SEMA3D: variants seen among roughly 807,000 people sequenced by gnomAD.
SEMA3D encodes semaphorin 3D.
In SEMA3D, 84 loss-of-function variants were observed where a neutral mutation model predicts 100.1. The observed-to-expected ratio is 0.84, with a 90% confidence interval of 0.70 to 1.01. The LOEUF is 1.01. SEMA3D is among the 50% of genes least tolerant of loss of function. The probability of loss-of-function intolerance (pLI) is 0.00; values close to 1 mark genes in which losing one functional copy is unlikely to be tolerated. For missense variants in SEMA3D, 875 were observed against 934.1 expected, an observed-to-expected ratio of 0.94 and a Z score of 0.82; for synonymous variants, 312 against 320.7, an observed-to-expected ratio of 0.97 and a Z score of 0.29.
chr7:85,022,357 C>A (rs765674146), intron 13 of SEMA3D, 34 bp downstream of exon 13: 20 of 1,484,520 alleles, frequency 1.3e-5, no homozygotes, highest in Non-Finnish European at 1.8e-5. Context: ...TGAAAAATTC[C>A]TTTTGAAAAA....
At chr7:85,181,356 A>ACACC (rs1178452902) in intron 1 of SEMA3D, among the ~76,000 whole-genome samples, 11 of 151,792 alleles carry the variant, frequency 7.2e-5, no homozygotes, top group African/African-American at 2.4e-4. Flanking sequence ...ACACACACAC[A>ACACC]CACACATGCA....
At chr7:85,069,063 A>C (rs1157330777) in intron 6 of SEMA3D, among the ~76,000 whole-genome samples, 2 of 152,152 alleles carry the variant, frequency 1.3e-5, no homozygotes, top group African/African-American at 4.8e-5. Context: ...TAACAATGAC[A>C]ACACTACCAT....
At chr7:85,143,223 A>G (rs550367761) in intron 2 of SEMA3D, 1 of 765,532 alleles carries the variant, frequency 1.3e-6, no homozygotes, top group African/African-American at 1.9e-5. Flanking sequence ...TCTAACATAT[A>G]TGCACTAAAG....
At chr7:85,162,023 G>C (rs1326749582) in intron 1 of SEMA3D, among the ~76,000 whole-genome samples, 1 of 151,904 alleles carries the variant, frequency 6.6e-6, no homozygotes. Flanking sequence ...TGTGCTTTGA[G>C]AGTCAATATA....
chr7:85,102,541 G>A (rs1033484551), intron 3 of SEMA3D, among the ~76,000 whole-genome samples: 2 of 152,124 alleles, frequency 1.3e-5, no homozygotes, highest in South Asian at 4.1e-4. Context: ...TACAGCCTAT[G>A]ATGGCAGGTT....
intron 4 of SEMA3D, among the ~76,000 whole-genome samples, chr7:85,081,961 G>A (rs754389398): frequency 2.0e-5 from 3 of 152,146 alleles, no homozygotes; most frequent in African/African-American, 7.2e-5. Context: ...ATAAACATGT[G>A]CCATGAAGTG....
intron 9 of SEMA3D, among the ~76,000 whole-genome samples, chr7:85,051,560 A>C (rs1226209583): frequency 6.6e-6 from 1 of 151,844 alleles, no homozygotes; most frequent in East Asian, 1.9e-4. Context: ...TTGATCTTGC[A>C]CTACAAATCT....
At chr7:85,181,521 T>C (rs1791410776) in intron 1 of SEMA3D, among the ~76,000 whole-genome samples, 1 of 152,124 alleles carries the variant, frequency 6.6e-6, no homozygotes, top group Non-Finnish European at 1.5e-5. Context: ...TATGCTAGTA[T>C]AAATAAGAGA....
intron 6 of SEMA3D, among the ~76,000 whole-genome samples, chr7:85,071,142 G>A (rs1791762743): frequency 6.6e-6 from 1 of 152,092 alleles, no homozygotes; most frequent in South Asian, 2.1e-4. Context: ...TTTATCCTTA[G>A]GCCTCAAAAC....
intron 2 of SEMA3D, chr7:85,142,638 A>G (rs986152971): frequency 1.0e-6 from 1 of 983,312 alleles, no homozygotes; most frequent in African/African-American, 1.8e-5. Flanking sequence ...GAGAGTCCAG[A>G]AAGAGATTCT....
intron 2 of SEMA3D, among the ~76,000 whole-genome samples, chr7:85,145,898 A>G (rs570257368): frequency 6.6e-6 from 1 of 152,288 alleles, no homozygotes; most frequent in South Asian, 2.1e-4. Flanking sequence ...TAAACTTTAA[A>G]TCATATCCAG....
At chr7:85,051,382 T>C (rs1306517242) in intron 9 of SEMA3D, among the ~76,000 whole-genome samples, 1 of 151,962 alleles carries the variant, frequency 6.6e-6, no homozygotes, top group East Asian at 1.9e-4. Context: ...AGCGACATTT[T>C]TGACAACTGC....
intron 9 of SEMA3D, among the ~76,000 whole-genome samples, chr7:85,044,662 C>G (rs1414708878): frequency 6.6e-6 from 1 of 151,960 alleles, no homozygotes; most frequent in South Asian, 2.1e-4. Context: ...ATGTGTGTAG[C>G]TGAGTTCATG....
chr7:85,036,307 T>A (rs1333277487), intron 12 of SEMA3D, among the ~76,000 whole-genome samples: 1 of 152,010 alleles, frequency 6.6e-6, no homozygotes, highest in Non-Finnish European at 1.5e-5. Flanking sequence ...CTAAAATACA[T>A]TCTTACTTAC....
intron 1 of SEMA3D, among the ~76,000 whole-genome samples, chr7:85,154,662 T>C (rs1442345492): frequency 6.6e-6 from 1 of 152,172 alleles, no homozygotes; most frequent in Non-Finnish European, 1.5e-5. Context: ...GTCTCCTTGT[T>C]TATAGGAAAC....
chr7:85,131,726 A>G (rs1314861130), intron 2 of SEMA3D, among the ~76,000 whole-genome samples: 2 of 151,940 alleles, frequency 1.3e-5, no homozygotes, highest in Non-Finnish European at 2.9e-5. Context: ...TATGTCTGCA[A>G]TTCAATATAT....
At chr7:85,236,760 T>C in the SEMA3D span, among the ~76,000 whole-genome samples, 1 of 152,198 alleles carries the variant, frequency 6.6e-6, no homozygotes, top group African/African-American at 2.4e-5. Flanking sequence ...GTGTTTTAAA[T>C]AGTGAACCTT....
chr7:85,029,036 A>T, intron 12 of SEMA3D: 1 of 454,392 alleles, frequency 2.2e-6, no homozygotes. Context: ...CTTGATATTA[A>T]AACTGCTGAT....
chr7:85,058,609 G>T (rs1458288594), intron 8 of SEMA3D, among the ~76,000 whole-genome samples: 1 of 151,512 alleles, frequency 6.6e-6, no homozygotes, highest in South Asian at 2.1e-4. Flanking sequence ...TTAGCTGGGC[G>T]TGGTGGCGGG....
Sources: allele counts gnomAD v4.1 joint callset (sites outside exome capture counted in the v4.1 genomes callset), GRCh38; gene constraint gnomAD v4.1.1; transcripts MANE v1.5; gene names NCBI Gene and HGNC (gene_info 2026-07-23, HGNC 2026-07-21).